EDA: variants seen among roughly 807,000 people sequenced by gnomAD.
The protein encoded by EDA is ectodysplasin A, also known as ectodysplasin-A.
In EDA, 2 loss-of-function variants were observed where a neutral mutation model predicts 23.6. That is an observed-to-expected ratio of 0.08 (90% CI 0.03 to 0.27). The LOEUF is 0.27. Ranked by LOEUF, EDA falls within the 10% of genes least tolerant of loss-of-function variation. The pLI is 1.00. For synonymous variants in EDA, 131 were observed against 132.0 expected (o/e 0.99, Z 0.05); for missense variants, 229 against 324.2 (o/e 0.71, Z 2.26).
At chrX:69,959,604 G>A (rs892075417) in intron 2 of EDA, among the ~76,000 whole-genome samples, 3 of 111,474 alleles carry the variant, frequency 2.7e-5, no homozygotes, top group East Asian at 2.8e-4. Context: ...TATTCCCACT[G>A]CCTAGAAACA....
chrX:69,733,248 T>C (rs1161957733), intron 1 of EDA, among the ~76,000 whole-genome samples: 1 of 112,301 alleles, frequency 8.9e-6, no homozygotes, highest in Non-Finnish European at 1.9e-5. Context: ...AACATTTAAG[T>C]CTTTAATCCA....
intron 1 of EDA, among the ~76,000 whole-genome samples, chrX:69,849,780 T>G (rs1339752711): frequency 1.8e-5 from 2 of 110,606 alleles, no homozygotes; most frequent in Non-Finnish European, 3.8e-5. Flanking sequence ...TATGTTTTTC[T>G]AGTGTAGAAA....
chrX:69,953,745 A>G (rs181368882), intron 1 of EDA, among the ~76,000 whole-genome samples: 7 of 112,487 alleles, frequency 6.2e-5, no homozygotes, highest in Non-Finnish European at 1.3e-4. Flanking sequence ...AACAACATGA[A>G]TGAATCTCAC....
At chrX:69,660,925 T>A (rs1007930300) in intron 1 of EDA, among the ~76,000 whole-genome samples, 4 of 111,506 alleles carry the variant, frequency 3.6e-5, no homozygotes, top group Non-Finnish European at 5.7e-5. Flanking sequence ...CGCCACACTG[T>A]CTTCCACAAT....
chrX:69,957,436 G>GCA, intron 2 of EDA: 1 of 219,711 alleles, frequency 4.6e-6, no homozygotes, highest in Non-Finnish European at 8.0e-6. Flanking sequence ...CTGAGACTGT[G>GCA]CCACTGCACT....
chrX:69,965,084 A>G (rs1218802969), intron 2 of EDA, among the ~76,000 whole-genome samples: 1 of 111,752 alleles, frequency 8.9e-6, no homozygotes, highest in African/African-American at 3.3e-5. Context: ...ACAGGGTGCT[A>G]TGGGACACAC....
intron 1 of EDA, chrX:69,693,232 A>G (rs1027755532): frequency 9.0e-6 from 1 of 110,976 alleles, no homozygotes; most frequent in Non-Finnish European, 1.9e-5. Flanking sequence ...AACCAGAACA[A>G]AGGGAGGGGA....
intron 1 of EDA, among the ~76,000 whole-genome samples, chrX:69,679,501 T>C (rs1025673264): frequency 1.8e-5 from 2 of 111,782 alleles, no homozygotes; most frequent in African/African-American, 6.5e-5. Context: ...TTTCAGATCC[T>C]GTTATTGGTC....
At position 69,923,490 on chromosome X, in the gene EDA, A is replaced by G. The variant is rs966350478; in HGVS notation, c.397-33537A>G. On this transcript the variant is annotated intron_variant, in intron 1 of 7. Coordinates refer to ENST00000374552, the MANE Select transcript of EDA (RefSeq NM_001399.5). ...ATCTCATTCCTTTTTATGGCTGCGT[A>G]GTATTCCATGGTGTATATGTGCCAC... Among the ~76,000 whole-genome samples the G allele has an allele frequency of 2.7e-5, 3 of 111,808 alleles. No individual in the cohort carries two copies. In the Admixed American group the frequency reaches 2.8e-4, roughly 11 times the overall value.
intron 2 of EDA, among the ~76,000 whole-genome samples, chrX:69,961,024 AGAAAAAAAAAG>A (rs1213316393): frequency 2.3e-5 from 2 of 88,380 alleles, no homozygotes; most frequent in East Asian, 2.6e-3. Context: ...ATCCAAAAAA[AGAAAAAAAAAG>A]AAAGAAAGAA....
At chrX:69,951,208 C>T (rs1369504846) in intron 1 of EDA, among the ~76,000 whole-genome samples, 5 of 111,038 alleles carry the variant, frequency 4.5e-5, no homozygotes, top group African/African-American at 9.8e-5. Context: ...AGTGGCTTTA[C>T]GCAGTATTCA....
intron 1 of EDA, among the ~76,000 whole-genome samples, chrX:69,668,965 A>G (rs1933784646): frequency 8.9e-6 from 1 of 112,290 alleles, no homozygotes; most frequent in African/African-American, 3.2e-5. Context: ...AGATTCCTAT[A>G]TATTTATAAT....
intron 1 of EDA, among the ~76,000 whole-genome samples, chrX:69,806,450 TTATC>T (rs1169291728): frequency 4.2e-4 from 47 of 110,953 alleles, no homozygotes; most frequent in African/African-American, 1.5e-3. Flanking sequence ...CAGTACATAT[TTATC>T]TAACAAAAAT....
At chrX:69,817,046 T>C (rs190426896) in intron 1 of EDA, among the ~76,000 whole-genome samples, 1 of 111,667 alleles carries the variant, frequency 9.0e-6, no homozygotes, top group East Asian at 2.8e-4. Flanking sequence ...CCAGAAAAGA[T>C]TGGGGCCAAT....
At chrX:69,788,103 A>G (rs1416138587) in intron 1 of EDA, among the ~76,000 whole-genome samples, 4 of 110,962 alleles carry the variant, frequency 3.6e-5, no homozygotes, top group Non-Finnish European at 7.6e-5. Flanking sequence ...AGGCTTCTGC[A>G]TTCTTCACAT....
Position 69,820,048 on chromosome X carries a change from A to G in EDA, c.397-136979A>G, listed in dbSNP as rs138800480. Among the ~76,000 whole-genome samples the G allele has an allele frequency of 3.0e-4, 33 of 111,674 alleles. No individual in the cohort carries two copies. The East Asian group carries it at 9.0e-3, about 30-fold the overall frequency. ...ATGGTAGTGGTACAAGACCAGACAC[A>G]TAGACCAATGGAACAGAATAGGGAA... On this transcript the variant is annotated intron_variant, in intron 1 of 7. Transcript: ENST00000374552.
chrX:69,760,506 C>G (rs1021344243), intron 1 of EDA, among the ~76,000 whole-genome samples: 1 of 111,955 alleles, frequency 8.9e-6, no homozygotes, highest in African/African-American at 3.2e-5. Flanking sequence ...TGCCCCCTCT[C>G]TTGTTATCCA....
At chrX:69,990,680 C>G (rs1380027418) in intron 2 of EDA, among the ~76,000 whole-genome samples, 2 of 108,935 alleles carry the variant, frequency 1.8e-5, no homozygotes, top group African/African-American at 3.3e-5. Context: ...AAAGTTTTCT[C>G]TCATGCTGGG....
intron 1 of EDA, among the ~76,000 whole-genome samples, chrX:69,785,033 T>C (rs1380892072): frequency 1.8e-5 from 2 of 108,766 alleles, no homozygotes; most frequent in African/African-American, 6.7e-5. Flanking sequence ...GATTCCTAGG[T>C]ATTTTATTCT....
Sources: allele counts gnomAD v4.1 joint callset (sites outside exome capture counted in the v4.1 genomes callset), GRCh38; gene constraint gnomAD v4.1.1; transcripts MANE v1.5; gene names NCBI Gene and HGNC (gene_info 2026-07-23, HGNC 2026-07-21).